PRKCA: variants seen among roughly 807,000 people sequenced by gnomAD.
The protein encoded by PRKCA is protein kinase C alpha type.
In PRKCA, 27 loss-of-function variants were observed where a neutral mutation model predicts 87.0. That is an observed-to-expected ratio of 0.31 (90% CI 0.23 to 0.43). PRKCA has a LOEUF of 0.43. PRKCA is among the 20% of genes least tolerant of loss of function. The pLI is 1.00. For missense variants in PRKCA, 518 were observed against 852.3 expected, an observed-to-expected ratio of 0.61 and a Z score of 4.88; for synonymous variants, 329 against 311.1, an observed-to-expected ratio of 1.06 and a Z score of -0.61.
At chr17:66,579,430 AG>A (rs1272049720) in intron 3 of PRKCA, among the ~76,000 whole-genome samples, 4 of 152,178 alleles carry the variant, frequency 2.6e-5, no homozygotes, top group Non-Finnish European at 5.9e-5. Context: ...AGCAGTGGGT[AG>A]GGGTCAGAGG....
At chr17:66,735,430 C>T in intron 9 of PRKCA, 59 bp from the exon 10 acceptor site, 1 of 1,597,340 alleles carries the variant, frequency 6.3e-7, no homozygotes, top group Non-Finnish European at 8.6e-7. Flanking sequence ...TGGTTCCTTC[C>T]CTCTGCCCCC....
intron 10 of PRKCA, among the ~76,000 whole-genome samples, chr17:66,737,134 C>T (rs879857557): frequency 6.0e-5 from 9 of 149,920 alleles, no homozygotes; most frequent in Non-Finnish European, 1.0e-4. Context: ...GGGCAGATCA[C>T]GAGATCAGGA....
At chr17:66,346,987 T>C (rs1907418384) in intron 2 of PRKCA, among the ~76,000 whole-genome samples, 1 of 150,350 alleles carries the variant, frequency 6.7e-6, no homozygotes, top group Non-Finnish European at 1.5e-5. Context: ...GCCAAGATCA[T>C]GCCACTGCAC....
intron 2 of PRKCA, among the ~76,000 whole-genome samples, chr17:66,489,274 T>TA (rs1217426006): frequency 6.7e-6 from 1 of 150,314 alleles, no homozygotes; most frequent in Non-Finnish European, 1.5e-5. Context: ...GACCTGAATT[T>TA]AAAATGACAT....
chr17:66,596,940 A>G (rs1969997783), intron 3 of PRKCA, among the ~76,000 whole-genome samples: 1 of 4,588 alleles, frequency 2.2e-4, no homozygotes, highest in Admixed American at 1.7e-3. Context: ...ATAGTATTCC[A>G]TGGTGTATAT....
intron 3 of PRKCA, among the ~76,000 whole-genome samples, chr17:66,592,534 C>T (rs563915793): frequency 3.3e-5 from 5 of 152,198 alleles, no homozygotes; most frequent in African/African-American, 1.2e-4. Flanking sequence ...TTCGCCGGTG[C>T]GTCCAAGGAA....
At chr17:66,680,649 G>A (rs1972464038) in intron 5 of PRKCA, among the ~76,000 whole-genome samples, 1 of 152,192 alleles carries the variant, frequency 6.6e-6, no homozygotes, top group African/African-American at 2.4e-5. Context: ...CTGGTCCTCA[G>A]GCAACAGGGA....
At chr17:66,407,930 T>G (rs1911515166) in intron 2 of PRKCA, among the ~76,000 whole-genome samples, 1 of 152,234 alleles carries the variant, frequency 6.6e-6, no homozygotes, top group African/African-American at 2.4e-5. Context: ...ATAAGCAGTT[T>G]AAAATCATTG....
chr17:66,606,692 CTA>C (rs1970218271), intron 3 of PRKCA, among the ~76,000 whole-genome samples: 1 of 152,074 alleles, frequency 6.6e-6, no homozygotes, highest in Admixed American at 6.5e-5. Flanking sequence ...CAATATTTTT[CTA>C]TGTTTCAGGT....
intron 8 of PRKCA, among the ~76,000 whole-genome samples, chr17:66,731,525 C>A (rs1413197988): frequency 6.6e-6 from 1 of 152,042 alleles, no homozygotes; most frequent in African/African-American, 2.4e-5. Context: ...GAGTCTTGTG[C>A]TGGGAGACTC....
intron 3 of PRKCA, among the ~76,000 whole-genome samples, chr17:66,539,650 G>T (rs767813600): frequency 6.6e-6 from 1 of 152,136 alleles, no homozygotes; most frequent in Non-Finnish European, 1.5e-5. Context: ...TGATCTGCCC[G>T]CCTTGGCCTC....
intron 3 of PRKCA, among the ~76,000 whole-genome samples, chr17:66,552,443 G>A (rs150369270): frequency 2.0e-5 from 3 of 152,164 alleles, no homozygotes; most frequent in Non-Finnish European, 2.9e-5. Context: ...GGTTTCTCCC[G>A]GGCTGCAGCC....
intron 2 of PRKCA, among the ~76,000 whole-genome samples, chr17:66,376,680 C>T (rs1909435508): frequency 6.6e-6 from 1 of 152,062 alleles, no homozygotes; most frequent in Non-Finnish European, 1.5e-5. Context: ...CAGCTCTCAT[C>T]CCCTGGCCCG....
At chr17:66,766,787 A>G (rs1463308117) in intron 13 of PRKCA, among the ~76,000 whole-genome samples, 1 of 149,872 alleles carries the variant, frequency 6.7e-6, no homozygotes, top group Non-Finnish European at 1.5e-5. Flanking sequence ...CAGCCTGGGT[A>G]ACAAAAGCGA....
At chr17:66,638,445 G>A (rs1355177007) in intron 3 of PRKCA, 1 of 152,028 alleles carries the variant, frequency 6.6e-6, no homozygotes, top group Middle Eastern at 3.2e-3. Flanking sequence ...GTAAAACGAG[G>A]ATAATTAGGC....
intron 13 of PRKCA, among the ~76,000 whole-genome samples, chr17:66,743,056 C>T (rs867553874): frequency 4.6e-5 from 7 of 152,306 alleles, no homozygotes; most frequent in Non-Finnish European, 8.8e-5. Context: ...GTTGGCTGGG[C>T]GCGGTGGCTC....
intron 16 of PRKCA, among the ~76,000 whole-genome samples, chr17:66,795,926 T>C (rs1975654600): frequency 6.6e-6 from 1 of 152,226 alleles, no homozygotes; most frequent in Non-Finnish European, 1.5e-5. Flanking sequence ...GTGTGGCTTA[T>C]GGCCTCTGTC....
At chr17:66,408,912 C>T (rs150656411) in intron 2 of PRKCA, among the ~76,000 whole-genome samples, 47 of 150,966 alleles carry the variant, frequency 3.1e-4, no homozygotes, top group Admixed American at 7.9e-4. Context: ...ATTAGCCGGG[C>T]GTGGTGGTGT....
chr17:66,779,465 CTGGGTTATTTA>C (rs1215980904), intron 14 of PRKCA, among the ~76,000 whole-genome samples: 1 of 152,024 alleles, frequency 6.6e-6, no homozygotes, highest in Non-Finnish European at 1.5e-5. Context: ...CCTTTTCTCC[CTGGGTTATTTA>C]TGCTTTGATT....
Sources: allele counts gnomAD v4.1 joint callset (sites outside exome capture counted in the v4.1 genomes callset), GRCh38; gene constraint gnomAD v4.1.1; transcripts MANE v1.5; gene names NCBI Gene and HGNC (gene_info 2026-07-23, HGNC 2026-07-21).